NONO: variants seen among roughly 807,000 people sequenced by gnomAD.
The protein encoded by NONO is non-POU domain-containing octamer-binding protein.
Under a neutral mutation model 40.2 loss-of-function variants are expected in NONO, and 6 were observed. The observed-to-expected ratio is 0.15, with a 90% CI of 0.08 to 0.29. The LOEUF is 0.29. NONO is among the 10% of genes least tolerant of loss of function. NONO has a pLI of 1.00. For missense variants in NONO, 133 were observed against 397.8 expected (o/e 0.33, Z 5.66); for synonymous variants, 89 against 123.3 (o/e 0.72, Z 1.85).
intron 2 of NONO, among the ~76,000 whole-genome samples, chrX:71,288,119 C>A (rs373876580): frequency 1.9e-5 from 1 of 53,855 alleles, no homozygotes; most frequent in African/African-American, 8.1e-5. Context: ...TTATTTTTAT[C>A]TTTTTTTTTT....
chrX:71,291,755 A>G (rs762816571), intron 3 of NONO, 24 bp from the exon 4 acceptor site: 1 of 1,117,440 alleles, frequency 8.9e-7, no homozygotes, highest in Non-Finnish European at 1.2e-6. Context: ...CCAGTCTTTT[A>G]AGTGACTGTG....
At chrX:71,290,902 T>G in intron 3 of NONO, 111 bp downstream of exon 3, 1 of 856,252 alleles carries the variant, frequency 1.2e-6, no homozygotes, top group South Asian at 3.2e-5. Context: ...ATGGCACACC[T>G]TTGTTCTTTT....
chrX:71,297,295 G>C (rs1169675157), intron 7 of NONO, 82 bp from the exon 8 acceptor site: 1 of 949,480 alleles, frequency 1.1e-6, no homozygotes, highest in African/African-American at 2.0e-5. Flanking sequence ...GATCCTCTTT[G>C]CTTTCTGGAT....
At chrX:71,297,255 T>G (rs1208875236) in intron 7 of NONO, 122 bp from the exon 8 acceptor site, 8 of 729,081 alleles carry the variant, frequency 1.1e-5, no homozygotes, top group Non-Finnish European at 1.4e-5. Flanking sequence ...TTTTGGAATC[T>G]GGACACCACA....
intron 11 of NONO, among the ~76,000 whole-genome samples, chrX:71,299,088 A>ATT (rs1268734086): frequency 1.8e-5 from 2 of 111,305 alleles, no homozygotes; most frequent in Non-Finnish European, 3.8e-5. Flanking sequence ...TGCCCGGCTA[A>ATT]TTTTTGTATT....
At chrX:71,293,420 TA>T (rs1281933658) in intron 4 of NONO, among the ~76,000 whole-genome samples, 1 of 109,358 alleles carries the variant, frequency 9.1e-6, no homozygotes, top group African/African-American at 3.3e-5. Context: ...CCGTCTCTAT[TA>T]AAACTACAAA....
Position 71,299,268 on chromosome X carries a change from G to A in NONO, c.1281+452G>A, listed in dbSNP as rs369793190. ...TGACCTCAGATAATCTGCCCGCCTC[G>A]GTTTCCCAAAGTGCTGGGATTACTG... On this transcript the variant is annotated intron_variant, in intron 11 of 11. Coordinates refer to ENST00000276079, the MANE Select transcript of NONO (RefSeq NM_007363.5). Among the ~76,000 whole-genome samples, 25 of 111,896 alleles carry A rather than the reference G, an allele frequency of 2.2e-4. No individual in the cohort carries two copies. The East Asian group carries it at 6.8e-3, about 30-fold the overall frequency.
In NONO at chrX:71,293,385, C is replaced by T. The variant is rs556808170; in HGVS notation, c.349-842C>T. On this transcript the variant is annotated intron_variant, in intron 4 of 11. Coordinates refer to ENST00000276079, the MANE Select transcript of NONO (RefSeq NM_007363.5). ...ATCACTTGAGGTCAGGAGTTTGAGA[C>T]CAGCCTGGCCAACATGGTTAAACCC... is the stretch of plus-strand genomic sequence containing the variant. Among the ~76,000 whole-genome samples, 26 of 110,460 alleles carry T rather than the reference C, an allele frequency of 2.4e-4. 1 individual carries two copies. The South Asian group carries it at 7.8e-3, about 33-fold the overall frequency.
In NONO at chrX:71,296,525, G is replaced by A. The variant is rs771935283; in HGVS notation, c.651-40G>A. On this transcript the variant is annotated intron_variant, in intron 5 of 11. Transcript: ENST00000276079. ...ATGTGTAGAGAAGAAGCCTGGTGGG[G>A]TATGATTTGATTAACACTGAACTTT... 17 of 952,462 alleles carry A rather than the reference G, an allele frequency of 1.8e-5. No individual in the cohort carries two copies. The East Asian group carries it at 1.9e-4, about 10-fold the overall frequency. The allele number at this position is 952,462 out of a possible 1,213,427, so 78.5% of individuals were successfully genotyped here. A position where few individuals can be genotyped will look rare whatever the true frequency, so the allele number is the denominator to read the frequency against.
chrX:71,289,250 G>C (rs1469348635), intron 2 of NONO, among the ~76,000 whole-genome samples: 2 of 111,041 alleles, frequency 1.8e-5, no homozygotes, highest in Non-Finnish European at 3.8e-5. Flanking sequence ...CTGATGCCTC[G>C]TTGTTTTTAA....
At chrX:71,287,720 T>C (rs2148028367) in intron 2 of NONO, among the ~76,000 whole-genome samples, 1 of 110,217 alleles carries the variant, frequency 9.1e-6, no homozygotes, top group Non-Finnish European at 1.9e-5. Flanking sequence ...GGTCTCATTC[T>C]GTTGCCTAGG....
intron 2 of NONO, among the ~76,000 whole-genome samples, chrX:71,290,347 C>G (rs956047252): frequency 8.9e-6 from 1 of 112,456 alleles, no homozygotes; most frequent in Admixed American, 9.4e-5. Flanking sequence ...CTGCACCCAG[C>G]CTTTTTATTT....
intron 5 of NONO, 147 bp from the exon 6 acceptor site, chrX:71,296,418 C>T: frequency 2.3e-6 from 1 of 441,109 alleles, no homozygotes; most frequent in Non-Finnish European, 3.8e-6. Flanking sequence ...AGCCCAACCC[C>T]AAATTTTTTA....
chrX:71,288,219 C>A (rs2031245312), intron 2 of NONO, among the ~76,000 whole-genome samples: 1 of 95,150 alleles, frequency 1.1e-5, no homozygotes, highest in Non-Finnish European at 2.0e-5. Context: ...CTCAGCCTCT[C>A]AAGTAGCTGG....
chrX:71,284,333 A>G (rs1481803469), intron 1 of NONO, 64 bp from the exon 2 acceptor site: 1 of 111,820 alleles, frequency 8.9e-6, no homozygotes, highest in Non-Finnish European at 1.9e-5. Flanking sequence ...CGCATCGAGT[A>G]TTTTATTTTC....
At chrX:71,299,877 T>G (rs2031539059) in intron 11 of NONO, 65 bp from the exon 12 acceptor site, 1 of 1,179,134 alleles carries the variant, frequency 8.5e-7, no homozygotes, top group Admixed American at 2.2e-5. Context: ...GTGGAGGGAC[T>G]ACAGATGGGT....
chrX:71,294,523 A>G lies in NONO; in HGVS notation c.645A>G (p.Leu215=), dbSNP rs1382755457. 5.0e-6 allele frequency: 6 copies of G among 1,202,116 alleles called. No homozygotes were observed. The highest frequency in any genetic ancestry group is 6.7e-6 in the Non-Finnish European group (6 of 890,136). ...LDRCSEGSFL[L]TTFPRPVTVE... ...GATGCAGTGAAGGCTCCTTCCTGCT[A>G]ACCACGTAAGTGAGGGTCATTTTCA... The change falls in exon 5 of 12, where the codon CTA becomes CTG. Residue 215 remains leucine (L), a synonymous_variant. Coordinates refer to ENST00000276079, the MANE Select transcript of NONO (RefSeq NM_007363.5).
chrX:71,284,247 A>G (rs746808053), intron 1 of NONO, 150 bp from the exon 2 acceptor site: 5 of 112,715 alleles, frequency 4.4e-5, no homozygotes, highest in Admixed American at 1.9e-4. Flanking sequence ...CCCTTTTTCT[A>G]AAGTCCTAAC....
chrX:71,287,048 G>A (rs1012437268), intron 2 of NONO, among the ~76,000 whole-genome samples: 2 of 112,114 alleles, frequency 1.8e-5, no homozygotes, highest in African/African-American at 6.5e-5. Context: ...AGCCTTTGTC[G>A]CATTTCTTTC....
Sources: allele counts gnomAD v4.1 joint callset (sites outside exome capture counted in the v4.1 genomes callset), GRCh38; gene constraint gnomAD v4.1.1; transcripts MANE v1.5; gene names NCBI Gene and HGNC (gene_info 2026-07-23, HGNC 2026-07-21).